PRR5: variants seen among roughly 807,000 people sequenced by gnomAD.
PRR5 encodes the protein proline-rich protein 5.
In PRR5, 25 loss-of-function variants were observed where a neutral mutation model predicts 30.6. The observed-to-expected ratio is 0.82, with a 90% CI of 0.60 to 1.14. The LOEUF (loss-of-function observed/expected upper bound fraction) is 1.14. Ranked by LOEUF, PRR5 falls within the 50% of genes most tolerant of loss-of-function variation. PRR5 has a pLI of 0.00. For missense variants in PRR5, 600 were observed against 547.1 expected (o/e 1.10, Z -0.96); for synonymous variants, 286 against 247.1 (o/e 1.16, Z -1.48).
At chr22:44,723,678 C>T (rs1930276021) in intron 2 of PRR5, among the ~76,000 whole-genome samples, 1 of 152,208 alleles carries the variant, frequency 6.6e-6, no homozygotes, top group Admixed American at 6.5e-5. Context: ...CAAGATCGCA[C>T]CACTGCACTC....
intron 6 of PRR5, 112 bp downstream of exon 6, chr22:44,732,503 G>A: frequency 6.9e-7 from 1 of 1,444,134 alleles, no homozygotes; most frequent in Non-Finnish European, 9.2e-7. Context: ...ACTTAAGGAA[G>A]GGCCCGATCA....
rs770807880 is a variant in PRR5, at chr22:44,737,039, G to C, written c.959G>C (p.Ser320Thr). 3.1e-6 allele frequency: 5 copies of C among 1,604,004 alleles called. No individual in the cohort carries two copies. The East Asian group carries it at 1.1e-4, about 36-fold the overall frequency. ...GCGCCCCACTCAGGGCCCTGCCCCA[G>C]CAGACTGTACCCCACGACCCAGCCC... ...SPAPHSGPCP[S>T]RLYPTTQPPE... The change falls in exon 8 of 8, where the codon AGC (serine) becomes ACC (threonine). Residue 320 changes from serine to threonine, a missense_variant. Physicochemically the swap from Ser to Thr is moderately conservative, Grantham distance 58. Coordinates refer to ENST00000336985, the MANE Select transcript of PRR5 (RefSeq NM_181333.4).
At chr22:44,703,639 T>C (rs1926726365) in intron 1 of PRR5, among the ~76,000 whole-genome samples, 1 of 152,122 alleles carries the variant, frequency 6.6e-6, no homozygotes, top group Admixed American at 6.5e-5. Context: ...CATTCCTCCC[T>C]GTGGGGAGGG....
chr22:44,721,155 T>C (rs1021906234), intron 2 of PRR5, among the ~76,000 whole-genome samples: 1 of 151,986 alleles, frequency 6.6e-6, no homozygotes, highest in African/African-American at 2.4e-5. Flanking sequence ...GAACAAAGAA[T>C]TGAACAAAAC....
intron 2 of PRR5, among the ~76,000 whole-genome samples, chr22:44,715,004 T>C (rs1208530632): frequency 1.3e-5 from 2 of 152,206 alleles, no homozygotes; most frequent in African/African-American, 4.8e-5. Flanking sequence ...CCACTGGTGC[T>C]GAGCATCGTG....
chr22:44,691,332 G>A lies in PRR5; in HGVS notation c.-10-11160G>A, dbSNP rs1304896390. ...GACTCAGAACCTCCATGTCCACCTC[G>A]GTGGCACGGAGAGGAGGCTACCCAG... On this transcript the variant is annotated intron_variant, in intron 1 of 8. Coordinates refer to the PRR5 transcript ENST00000006251. The surrounding 1 kb of genome is among the most constrained non-coding windows in gnomAD (Gnocchi z 4.4). 2.0e-5 allele frequency among the ~76,000 whole-genome samples: 3 copies of A among 152,282 alleles called. No homozygotes were observed. Among genetic ancestry groups the A allele is most frequent in the South Asian group, 2.1e-4 (1 of 4,820 alleles).
chr22:44,736,634 C>T (rs1923310770), intron 7 of PRR5, 138 bp from the exon 8 acceptor site: 5 of 1,410,470 alleles, frequency 3.5e-6, no homozygotes, highest in East Asian at 4.9e-5. Flanking sequence ...GCGGTGGGAC[C>T]TGCTGAGCCG....
chr22:44,732,970 TACAC>T (rs138741533), intron 6 of PRR5, among the ~76,000 whole-genome samples: 75 of 149,216 alleles, frequency 5.0e-4, no homozygotes, highest in African/African-American at 1.7e-3. Flanking sequence ...TGCACACGCA[TACAC>T]ACTACACACA....
At chr22:44,735,890 C>T (rs1303679042) in intron 7 of PRR5, among the ~76,000 whole-genome samples, 2 of 152,182 alleles carry the variant, frequency 1.3e-5, no homozygotes, top group Non-Finnish European at 2.9e-5. Flanking sequence ...TCAGGCAGTG[C>T]CCTGGCTGCT....
chr22:44,730,733 T>C lies in PRR5; in HGVS notation c.323-997T>C, dbSNP rs972506506. 4 of 916,466 alleles carry C rather than the reference T, an allele frequency of 4.4e-6. No individual in the cohort carries two copies. In the African/African-American group the frequency reaches 7.2e-5, roughly 17 times the overall value. The allele number at this position is 916,466 out of a possible 1,614,324, so 56.8% of individuals were successfully genotyped here. ...CTGACCCTCTGCACCCTCTTCTTCCTTCGACGTGGTGCTGCTATTGGAAGG... is the reference window on the plus strand; with the variant it reads ...CTGACCCTCTGCACCCTCTTCTTCCCTCGACGTGGTGCTGCTATTGGAAGG... On this transcript the variant is annotated intron_variant, in intron 4 of 7. Transcript: ENST00000336985.
chr22:44,695,465 G>A (rs533324671), intron 1 of PRR5, among the ~76,000 whole-genome samples: 136 of 152,306 alleles, frequency 8.9e-4, no homozygotes, highest in African/African-American at 3.2e-3. Context: ...TGATTGCTAT[G>A]GCCTTTGTGC....
At chr22:44,697,390 C>T (rs1925853733), upstream of PRR5, among the ~76,000 whole-genome samples, 1 of 152,196 alleles carries the variant, frequency 6.6e-6, no homozygotes, top group Non-Finnish European at 1.5e-5. Flanking sequence ...TGGTGTCACC[C>T]TTCTCGCCCA....
At chr22:44,723,029 A>G (rs1930177470) in intron 2 of PRR5, among the ~76,000 whole-genome samples, 1 of 149,862 alleles carries the variant, frequency 6.7e-6, no homozygotes, top group African/African-American at 2.5e-5. Flanking sequence ...TCTGTCACCC[A>G]GGCTGGAGTG....
intron 6 of PRR5, 49 bp from the exon 7 acceptor site, chr22:44,734,978 A>T: frequency 6.4e-7 from 1 of 1,573,132 alleles, no homozygotes; most frequent in Non-Finnish European, 8.7e-7. Context: ...GCCTGGAGCC[A>T]CCAAGCTCGG....
At position 44,678,269 on chromosome 22, in the gene PRR5, T is replaced by C. The variant is rs997708154; in HGVS notation, c.-11+1029T>C. 9.3e-5 allele frequency among the ~76,000 whole-genome samples: 14 copies of C among 151,036 alleles called. No homozygotes were observed. In the South Asian group the frequency reaches 1.7e-3, roughly 18 times the overall value. The stretch of plus-strand genomic sequence containing the variant: ...CTCTGGGCCTTCCTCCTGCTGTTCC[T>C]ATGCCTAGTCTGATTTTTTTTTGTC... On this transcript the variant is annotated intron_variant, in intron 1 of 8. Coordinates refer to the PRR5 transcript ENST00000006251.
At chr22:44,699,774 C>T (rs73891743), upstream of PRR5, among the ~76,000 whole-genome samples, 8,183 of 152,220 alleles carry the variant, frequency 0.054, 251 homozygotes, top group African/African-American at 0.077. Flanking sequence ...CTCTGAAAGA[C>T]GTTCTAGGGC....
intron 2 of PRR5, among the ~76,000 whole-genome samples, chr22:44,718,048 T>G (rs148482149): frequency 6.6e-6 from 1 of 152,126 alleles, no homozygotes; most frequent in African/African-American, 2.4e-5. Flanking sequence ...CCATATCATA[T>G]TCTATCGTGT....
At chr22:44,697,670 G>GCCGTGCC (rs1569076275), upstream of PRR5, among the ~76,000 whole-genome samples, 1 of 152,238 alleles carries the variant, frequency 6.6e-6, no homozygotes, top group Non-Finnish European at 1.5e-5. Context: ...CCACCTGAGG[G>GCCGTGCC]CCGTGCCCCG....
intron 1 of PRR5, among the ~76,000 whole-genome samples, chr22:44,693,389 G>T (rs1225564409): frequency 3.3e-5 from 5 of 151,822 alleles, no homozygotes; most frequent in African/African-American, 1.2e-4. Flanking sequence ...AGCCCAGGAG[G>T]TCAAGGCTGC....
Sources: allele counts gnomAD v4.1 joint callset (sites outside exome capture counted in the v4.1 genomes callset), GRCh38; gene constraint gnomAD v4.1.1; non-coding constraint Gnocchi (gnomAD v3.1); transcripts MANE v1.5; gene names NCBI Gene and HGNC (gene_info 2026-07-23, HGNC 2026-07-21).